ZNF785: variants seen among roughly 807,000 people sequenced by gnomAD.
ZNF785 encodes zinc finger protein 785.
ZNF785 carries 15 observed loss-of-function variants against 11.3 expected under a neutral mutation model. The ratio of observed to expected loss-of-function variants is 1.32; its 90% CI spans 0.89 to 2.04. The LOEUF is 2.04. Ranked by LOEUF, ZNF785 falls within the 30% of genes most tolerant of loss-of-function variation. The probability of loss-of-function intolerance (pLI) is 0.00; values close to 1 mark genes in which losing one functional copy is unlikely to be tolerated. For synonymous variants in ZNF785, 221 were observed against 231.0 expected, an observed-to-expected ratio of 0.96 and a Z score of 0.39; for missense variants, 572 against 560.9, an observed-to-expected ratio of 1.02 and a Z score of -0.20.
rs1350234903 is a variant in ZNF785, at chr16:30,582,747, T to C, written c.1031A>G (p.Glu344Gly). ...CTTGCGCTTGAAGCCTTTCCCACAC[T>C]CCACGCAGGGGAAGGGCCGGCTGTC... is the stretch of plus-strand genomic sequence containing the variant. The part of the protein sequence containing the change: ...HSDSRPFPCV[E>G]CGKGFKRKTA... Residue 344 changes from glutamate (E) to glycine (G), a missense_variant, in exon 3 of 3, where the codon GAG becomes GGG. Glu to Gly is a moderately conservative substitution (Grantham distance 98, BLOSUM62 -2). Coordinates refer to ENST00000395216, the MANE Select transcript of ZNF785 (RefSeq NM_152458.7). 1 of 1,608,980 alleles carries C rather than the reference T, an allele frequency of 6.2e-7. No homozygotes were observed.
chr16:30,584,350 C>G (rs1465053894), intron 2 of ZNF785, among the ~76,000 whole-genome samples: 1 of 151,954 alleles, frequency 6.6e-6, no homozygotes, highest in African/African-American at 2.4e-5. Context: ...CTTACCATCA[C>G]CAAAAAGTCT....
chr16:30,582,949 T>C lies in ZNF785; in HGVS notation c.829A>G (p.Lys277Glu), dbSNP rs772217128. 5.0e-6 allele frequency: 8 copies of C among 1,613,864 alleles called. No individual in the cohort carries two copies. The South Asian group carries it at 7.7e-5, about 16-fold the overall frequency. ...CTGTAGGGCTTCTCGCCCGTGTGCT[T>C]GCGCTGGTGGATGGCCAGCAGGTAG... The part of the protein sequence containing the change: ...YPYLLAIHQR[K>E]HTGEKPYSCP... The change falls in exon 3 of 3, where the codon AAG becomes GAG. Residue 277 changes from lysine to glutamate, a missense_variant. By Grantham distance (56) the Lys-to-Glu change is moderately conservative. Transcript: ENST00000395216.
rs1363740277 is a variant in ZNF785, at chr16:30,585,422, G to A, written c.190C>T (p.His64Tyr). Residue 64 changes from histidine (H) to tyrosine (Y), a missense_variant, in exon 1 of 3, where the codon CAC becomes TAC. Transcript: ENST00000395216. This position sits in a 1 kb window ranked among gnomAD's most constrained non-coding sequence, Gnocchi z 4.0. Reference protein sequence around the residue: ...YRDVMRETFGHLGALGFSVPK... With the variant: ...YRDVMRETFGYLGALGFSVPK... ...CCGGCCTCACCCAGCGCGCCCAGGT[G>A]GCCGAAGGTCTCCCGCATCACGTCC... is the stretch of plus-strand genomic sequence containing the variant. The A allele has an allele frequency of 1.9e-6, 3 of 1,592,728 alleles. No individual in the cohort carries two copies. The highest frequency in any genetic ancestry group is 1.8e-4 in the Middle Eastern group (1 of 5,530).
Position 30,585,557 on chromosome 16 carries a change from G to A in ZNF785, c.55C>T (p.Arg19Trp). The A allele has an allele frequency of 6.4e-7, 1 of 1,558,930 alleles. No homozygotes were observed. Among genetic ancestry groups the A allele is most frequent in the Non-Finnish European group, 8.7e-7 (1 of 1,154,300 alleles). The change falls in exon 1 of 3, where the codon CGG (arginine) becomes TGG (tryptophan). Residue 19 changes from arginine (R) to tryptophan (W), a missense_variant. Coordinates refer to ENST00000395216, the MANE Select transcript of ZNF785 (RefSeq NM_152458.7). The surrounding 1 kb of genome is among the most constrained non-coding windows in gnomAD (Gnocchi z 4.0). ...CCCGGCCTGCTTTCCCTCGTCCTCC[G>A]GGGCCCGGCCTCCCCGGGTACGTGG... The part of the protein sequence containing the change: ...PAHVPGEAGP[R>W]RTRESRPGAV...
In ZNF785 at chr16:30,585,189, G is replaced by A; in HGVS notation, c.267C>T (p.Ser89=). 2 of 1,614,138 alleles carry A rather than the reference G, an allele frequency of 1.2e-6. No individual in the cohort carries two copies. The highest frequency in any genetic ancestry group is 1.7e-6 in the Non-Finnish European group (2 of 1,179,986). Residue 89 remains serine (S), a synonymous_variant, in exon 2 of 3, where the codon AGC becomes AGT. Transcript: ENST00000395216. This position sits in a 1 kb window ranked among gnomAD's most constrained non-coding sequence, Gnocchi z 4.0. ...SWVEGEVEAW[S]PEAQDPDGES... is the part of the protein sequence containing the mutation. ...CACCGTCGGGATCCTGGGCCTCCGGGCTCCACGCCTCCACTTCTCCTTCCA... is the reference window on the plus strand; with the variant it reads ...CACCGTCGGGATCCTGGGCCTCCGGACTCCACGCCTCCACTTCTCCTTCCA...
At chr16:30,579,950 C>T (rs991913607), downstream of ZNF785, 15 of 432,636 alleles carry the variant, frequency 3.5e-5, no homozygotes, top group East Asian at 1.4e-4. Flanking sequence ...TGCAGTGGCG[C>T]GATCTCAGCT....
chr16:30,584,558 G>A (rs1391713234), intron 2 of ZNF785, among the ~76,000 whole-genome samples: 5 of 152,124 alleles, frequency 3.3e-5, no homozygotes, highest in African/African-American at 4.8e-5. Flanking sequence ...GCTGAGGCAG[G>A]AGAATTGCTT....
At chr16:30,579,951 G>A (rs181168203), downstream of ZNF785, 12,715 of 408,840 alleles carry the variant, frequency 0.031, 361 homozygotes, top group South Asian at 0.066. Flanking sequence ...GCAGTGGCGC[G>A]ATCTCAGCTC....
At chr16:30,583,701 G>A in intron 2 of ZNF785, 2 of 385,424 alleles carry the variant, frequency 5.2e-6, no homozygotes, top group East Asian at 4.5e-5. Flanking sequence ...GATAATGAAA[G>A]AGGAGTCGGG....
At chr16:30,580,167 G>T (rs1161403672), downstream of ZNF785, among the ~76,000 whole-genome samples, 1 of 145,380 alleles carries the variant, frequency 6.9e-6, no homozygotes, top group African/African-American at 2.6e-5. Flanking sequence ...GATTACAGGC[G>T]TGAGCCACCA....
At chr16:30,580,184 GC>G (rs1458649028), downstream of ZNF785, among the ~76,000 whole-genome samples, 4 of 112,724 alleles carry the variant, frequency 3.5e-5, no homozygotes, top group Non-Finnish European at 5.4e-5. Context: ...ACCACACCAG[GC>G]CTTTTTTTTT....
chr16:30,583,732 C>T (rs1246382799), intron 2 of ZNF785: 4 of 294,448 alleles, frequency 1.4e-5, no homozygotes, highest in East Asian at 1.3e-4. Context: ...TGGCTCACAC[C>T]TGTTATCCAA....
At position 30,585,358 on chromosome 16, in the gene ZNF785, CG is replaced by C. The variant is rs2051878438; in HGVS notation, c.205+48del. 1 of 1,571,584 alleles carries C rather than the reference CG, an allele frequency of 6.4e-7. No individual in the cohort carries two copies. Among genetic ancestry groups the C allele is most frequent in the Non-Finnish European group, 8.6e-7 (1 of 1,161,294 alleles). Reference sequence around the variant, plus strand: ...ACTAGCCTCTGGGGACACCGATCACCGCTTCCCACCGACGGACTGGGGGTCC... The same window carrying C: ...ACTAGCCTCTGGGGACACCGATCACCCTTCCCACCGACGGACTGGGGGTCC... On this transcript the variant is annotated intron_variant, in intron 1 of 2. Transcript: ENST00000395216. The surrounding 1 kb of genome is among the most constrained non-coding windows in gnomAD (Gnocchi z 4.0).
At position 30,583,286 on chromosome 16, in the gene ZNF785, G is replaced by A. The variant is rs1353917973; in HGVS notation, c.492C>T (p.Asp164=). The A allele has an allele frequency of 2.5e-6, 4 of 1,613,912 alleles. No individual in the cohort carries two copies. The highest frequency in any genetic ancestry group is 3.4e-6 in the Non-Finnish European group (4 of 1,179,866). ...AGTGGGGCAGTCTTCGGGTCAGAGT[G>A]TCCTTGAGCCAGGGATTCATGGGGC... is the stretch of plus-strand genomic sequence containing the variant. ...RQSPMNPWLK[D]TLTRRLPHSC... Residue 164 remains aspartate, a synonymous_variant, in exon 3 of 3, where the codon GAC becomes GAT. Transcript: ENST00000395216.
At chr16:30,579,813 C>G (rs1181919071), downstream of ZNF785, 4 of 455,772 alleles carry the variant, frequency 8.8e-6, no homozygotes. Context: ...TTCATTCCTT[C>G]AAAAGTTTCC....
rs763204476 is a variant in ZNF785, at chr16:30,585,231, G to T, written c.225C>A (p.Pro75=). Residue 75 remains proline (P), a synonymous_variant, in exon 2 of 3, where the codon CCC becomes CCA. Transcript: ENST00000395216. This position sits in a 1 kb window ranked among gnomAD's most constrained non-coding sequence, Gnocchi z 4.0. ...CTCCTTCCACCCACGAGATAAAAGC[G>T]GGTTTGGGAACTGAAAATCCTGCGA... ...LGALGFSVPK[P]AFISWVEGEV... The T allele has an allele frequency of 4.3e-6, 7 of 1,614,064 alleles. No individual in the cohort carries two copies. The highest frequency in any genetic ancestry group is 5.9e-6 in the Non-Finnish European group (7 of 1,179,966).
rs146393937 is a variant in ZNF785 at position 30,582,927 on chromosome 16, T to A, written c.851A>T (p.Tyr284Phe). 2.0e-5 allele frequency: 32 copies of A among 1,613,642 alleles called. No individual in the cohort carries two copies. The highest frequency in any genetic ancestry group is 2.3e-5 in the Non-Finnish European group (27 of 1,179,956). The change falls in exon 3 of 3, where the codon TAC (tyrosine) becomes TTC (phenylalanine). Residue 284 changes from tyrosine (Y) to phenylalanine (F), a missense_variant. Physicochemically the swap from Tyr to Phe is conservative, Grantham distance 22. Transcript: ENST00000395216. ...ACGGAGGCTGCAATCGGGGCAGCTG[T>A]AGGGCTTCTCGCCCGTGTGCTTGCG... ...HQRKHTGEKP[Y>F]SCPDCSLRFA...
In ZNF785 at chr16:30,582,917, G is replaced by C; in HGVS notation, c.861C>G (p.Pro287=). The C allele has an allele frequency of 6.2e-7, 1 of 1,613,654 alleles. No homozygotes were observed. The highest frequency in any genetic ancestry group is 1.1e-5 in the South Asian group (1 of 91,066). ...TGTAGGCGAAACGGAGGCTGCAATC[G>C]GGGCAGCTGTAGGGCTTCTCGCCCG... ...KHTGEKPYSC[P]DCSLRFAYTS... Residue 287 remains proline (P), a synonymous_variant, in exon 3 of 3, where the codon CCC becomes CCG. Coordinates refer to ENST00000395216, the MANE Select transcript of ZNF785 (RefSeq NM_152458.7).
At chr16:30,584,080 G>T (rs62057168) in intron 2 of ZNF785, among the ~76,000 whole-genome samples, 1 of 150,712 alleles carries the variant, frequency 6.6e-6, no homozygotes, top group African/African-American at 2.4e-5. Context: ...GGGAGGTGGA[G>T]GTTGCAGTGA....
Sources: allele counts gnomAD v4.1 joint callset (sites outside exome capture counted in the v4.1 genomes callset), GRCh38; gene constraint gnomAD v4.1.1; non-coding constraint Gnocchi (gnomAD v3.1); transcripts MANE v1.5; gene names NCBI Gene and HGNC (gene_info 2026-07-23, HGNC 2026-07-21).